The following USP33 variants were observed in gnomAD, a reference collection of about 807,000 sequenced individuals.
USP33 encodes the protein ubiquitin carboxyl-terminal hydrolase 33.
In USP33, 46 loss-of-function variants were observed where a neutral mutation model predicts 124.2. The observed-to-expected ratio is 0.37, with a 90% CI of 0.29 to 0.47. The LOEUF (loss-of-function observed/expected upper bound fraction) is 0.47. Ranked by LOEUF, USP33 falls within the 20% of genes least tolerant of loss-of-function variation. The pLI, the probability that USP33 is intolerant of heterozygous loss-of-function variation, is 0.99. For synonymous variants in USP33, 350 were observed against 352.3 expected, an observed-to-expected ratio of 0.99 and a Z score of 0.07; for missense variants, 851 against 1,070.6, an observed-to-expected ratio of 0.79 and a Z score of 2.86.
At chr1:77,736,489 C>T (rs1020642193) in intron 5 of USP33, among the ~76,000 whole-genome samples, 1 of 152,188 alleles carries the variant, frequency 6.6e-6, no homozygotes, top group African/African-American at 2.4e-5. Flanking sequence ...CCGAAGGATA[C>T]TATCCTACAC....
At position 77,757,490 on chromosome 1, in the gene USP33, C is replaced by T. The variant is rs199590781; in HGVS notation, c.-52+2153G>A. Among the ~76,000 whole-genome samples, 31 of 152,376 alleles carry T rather than the reference C, an allele frequency of 2.0e-4. No individual in the cohort carries two copies. In the East Asian group the frequency reaches 4.2e-3, roughly 21 times the overall value. ...TAAAAGCAACTGTACTCATCTCACA[C>T]TCTTTGGAGTTTTCCCACTTATCAA... On this transcript the variant is annotated intron_variant, in intron 1 of 23. Coordinates refer to ENST00000370794, the MANE Select transcript of USP33 (RefSeq NM_201624.3).
intron 21 of USP33, among the ~76,000 whole-genome samples, chr1:77,705,831 TTC>T (rs916411608): frequency 6.6e-6 from 1 of 152,180 alleles, no homozygotes; most frequent in Non-Finnish European, 1.5e-5. Flanking sequence ...TCAATTCCCC[TTC>T]TCTCAGCCCT....
intron 1 of USP33, among the ~76,000 whole-genome samples, chr1:77,758,603 A>G (rs1681025079): frequency 6.6e-6 from 1 of 152,166 alleles, no homozygotes; most frequent in Non-Finnish European, 1.5e-5. Flanking sequence ...CTTATTTATA[A>G]TAGTATGAAT....
intron 19 of USP33, 66 bp from the exon 20 acceptor site, chr1:77,713,347 A>C: frequency 7.3e-6 from 9 of 1,226,850 alleles, no homozygotes; most frequent in South Asian, 7.0e-5. Flanking sequence ...CATTAAACTC[A>C]TTTTTTTTTT....
At chr1:77,717,747 T>A (rs1451051505) in intron 17 of USP33, 120 bp downstream of exon 17, 1 of 868,646 alleles carries the variant, frequency 1.2e-6, no homozygotes, top group African/African-American at 1.8e-5. Context: ...TGGCTTTAAT[T>A]AAGTGATTCT....
At chr1:77,745,852 T>G (rs984971148) in intron 1 of USP33, among the ~76,000 whole-genome samples, 60 of 152,278 alleles carry the variant, frequency 3.9e-4, no homozygotes, top group African/African-American at 1.4e-3. Flanking sequence ...AGACACAACA[T>G]ACCAGAATCT....
chr1:77,742,574 C>T (rs1196636188), intron 1 of USP33, among the ~76,000 whole-genome samples: 1 of 119,332 alleles, frequency 8.4e-6, no homozygotes, highest in African/African-American at 4.6e-5. Context: ...GCAAACTTTA[C>T]TGATCCACAG....
At chr1:77,713,390 GTT>G (rs1003409098) in intron 19 of USP33, 109 bp from the exon 20 acceptor site, 1 of 894,268 alleles carries the variant, frequency 1.1e-6, no homozygotes, top group Non-Finnish European at 1.7e-6. Flanking sequence ...AATCATCATT[GTT>G]TTTTTAAGTG....
chr1:77,720,623 T>G (rs1253176779), intron 15 of USP33: 2 of 985,296 alleles, frequency 2.0e-6, no homozygotes, highest in East Asian at 2.3e-4. Context: ...CCAGTTCACT[T>G]TGCCTCACAA....
intron 12 of USP33, 143 bp from the exon 13 acceptor site, chr1:77,722,339 G>A (rs1381160071): frequency 4.0e-6 from 3 of 741,112 alleles, no homozygotes; most frequent in Non-Finnish European, 6.2e-6. Context: ...AAATTGAACT[G>A]CTTTCATAGT....
In USP33 at chr1:77,722,276, G is replaced by T; in HGVS notation, c.1390-80C>A. 8 of 1,238,486 alleles carry T rather than the reference G, an allele frequency of 6.5e-6. No homozygotes were observed. The South Asian group carries it at 1.7e-4, about 26-fold the overall frequency. 76.7% of individuals were successfully genotyped at this position (1,238,486 alleles called of 1,614,324 possible). A position where few individuals can be genotyped will look rare whatever the true frequency, so the allele number is the denominator to read the frequency against. ...CCAAGGTTAGATTTTAGACTCTAAA[G>T]ATCAAAGCATGTTTAAATAAGCAAA... On this transcript the variant is annotated intron_variant, in intron 12 of 23. Transcript: ENST00000370794.
At chr1:77,713,067 A>T in intron 20 of USP33, 133 bp downstream of exon 20, 1 of 682,534 alleles carries the variant, frequency 1.5e-6, no homozygotes. Context: ...CTTCCTACTC[A>T]CACTTTAGAA....
In USP33 at chr1:77,721,924, A is replaced by T; in HGVS notation, c.1564T>A (p.Phe522Ile). ...CAGCTAGGGACACATGAGACAACAA[A>T]CCTGAAACATCATTGATAGAAAAAA... ...IAFFMEYVKR[F>I]VVSCVPSWFW... The change falls in exon 14 of 24, where the codon TTT (phenylalanine) becomes ATT (isoleucine). Residue 522 changes from phenylalanine to isoleucine, a missense_variant and splice_region_variant. Phe to Ile is a conservative substitution (Grantham distance 21). Coordinates refer to ENST00000370794, the MANE Select transcript of USP33 (RefSeq NM_201624.3). 1 of 1,605,794 alleles carries T rather than the reference A, an allele frequency of 6.2e-7. No individual in the cohort carries two copies. Among genetic ancestry groups the T allele is most frequent in the Non-Finnish European group, 8.5e-7 (1 of 1,177,950 alleles).
intron 4 of USP33, 101 bp from the exon 5 acceptor site, chr1:77,739,518 G>A (rs1678877669): frequency 1.7e-6 from 2 of 1,152,460 alleles, no homozygotes; most frequent in African/African-American, 3.2e-5. Flanking sequence ...TGCCTTTGAT[G>A]AGTAACAATA....
chr1:77,701,936 G>A (rs1674059535), intron 21 of USP33, among the ~76,000 whole-genome samples: 2 of 151,682 alleles, frequency 1.3e-5, no homozygotes, highest in African/African-American at 4.8e-5. Flanking sequence ...CCAAAGTGCT[G>A]GGATTACAGA....
intron 17 of USP33, among the ~76,000 whole-genome samples, chr1:77,716,217 C>T (rs1367551712): frequency 2.0e-5 from 3 of 152,050 alleles, no homozygotes; most frequent in Non-Finnish European, 4.4e-5. Context: ...CATCACCACA[C>T]CCAGCTAATT....
Position 77,717,970 on chromosome 1 carries a change from C to A in USP33, c.1815G>T (p.Pro605=), listed in dbSNP as rs375787007. 6.2e-6 allele frequency: 10 copies of A among 1,613,690 alleles called. No homozygotes were observed. The highest frequency in any genetic ancestry group is 1.7e-5 in the Admixed American group (1 of 59,976). Residue 605 remains proline (P), a synonymous_variant, in exon 17 of 24, where the codon CCG becomes CCT. Coordinates refer to ENST00000370794, the MANE Select transcript of USP33 (RefSeq NM_201624.3). The stretch of plus-strand genomic sequence containing the variant: ...ATGGCTGAAGATCCAAGCCTTCTAG[C>A]GGAAATGAAACATGGGTACTGATTT... ...STKISTHVSF[P]LEGLDLQPFL...
chr1:77,727,010 T>C (rs1677243707), intron 10 of USP33, among the ~76,000 whole-genome samples: 1 of 152,170 alleles, frequency 6.6e-6, no homozygotes, highest in Non-Finnish European at 1.5e-5. Flanking sequence ...CAGAAATTTT[T>C]CCAGATAATG....
At chr1:77,750,575 T>C (rs189821008) in intron 1 of USP33, among the ~76,000 whole-genome samples, 24 of 143,694 alleles carry the variant, frequency 1.7e-4, no homozygotes, top group African/African-American at 5.7e-4. Flanking sequence ...TGAGCCAAGA[T>C]TGCACCACTG....
Sources: gnomAD v4.1 joint callset for allele counts (sites outside exome capture counted in the v4.1 genomes callset) on GRCh38, gnomAD v4.1.1 for gene constraint, MANE v1.5 for transcripts, NCBI Gene and HGNC (gene_info 2026-07-23, HGNC 2026-07-21) for gene names.